The following NLRP3 variants were observed in gnomAD, a reference collection of about 807,000 sequenced individuals.
The protein encoded by NLRP3 is NLR family pyrin domain containing 3, also known as NACHT, LRR and PYD domains-containing protein 3.
In NLRP3, 48 loss-of-function variants were observed where a neutral mutation model predicts 91.3. The ratio of observed to expected loss-of-function variants is 0.53; its 90% CI spans 0.42 to 0.67. The LOEUF (loss-of-function observed/expected upper bound fraction) is 0.67, where lower values mean the gene tolerates loss of function less well. NLRP3 is among the 30% of genes least tolerant of loss of function. NLRP3 has a pLI of 0.00. For missense variants in NLRP3, 982 were observed against 1,276.9 expected (o/e 0.77, Z 3.52); for synonymous variants, 561 against 507.9 (o/e 1.10, Z -1.41).
intron 2 of NLRP3, among the ~76,000 whole-genome samples, chr1:247,421,045 C>G (rs990776030): frequency 2.0e-5 from 3 of 152,202 alleles, no homozygotes; most frequent in African/African-American, 7.2e-5. Context: ...GAGTTTGGGG[C>G]AGAAGCCTTT....
chr1:247,427,275 G>T (rs960206783), intron 4 of NLRP3, among the ~76,000 whole-genome samples: 1 of 152,172 alleles, frequency 6.6e-6, no homozygotes, highest in South Asian at 2.1e-4. Flanking sequence ...CGCCTGATAC[G>T]TCATGTTGAG....
intron 2 of NLRP3, among the ~76,000 whole-genome samples, chr1:247,420,316 A>G (rs887927353): frequency 6.6e-6 from 1 of 152,124 alleles, no homozygotes; most frequent in African/African-American, 2.4e-5. Flanking sequence ...TATTAACCCC[A>G]TATCAGATAT....
Position 247,424,057 on chromosome 1 carries a change from T to C in NLRP3, c.608T>C (p.Met203Thr), listed in dbSNP as rs2103106207. 6.2e-7 allele frequency: 1 copy of C among 1,614,048 alleles called. No individual in the cohort carries two copies. The highest frequency in any genetic ancestry group is 8.5e-7 in the Non-Finnish European group (1 of 1,180,012). The change falls in exon 4 of 10, where the codon ATG becomes ACG. Residue 203 changes from methionine to threonine, a missense_variant. Coordinates refer to ENST00000336119, the MANE Select transcript of NLRP3 (RefSeq NM_001243133.2). This position sits in a 1 kb window ranked among gnomAD's most constrained non-coding sequence, Gnocchi z 8.1. ...GAGAGCCCCGTGAGTCCCATTAAGATGGAGTTGCTGTTTGACCCCGATGAT... is the reference window on the plus strand; with the variant it reads ...GAGAGCCCCGTGAGTCCCATTAAGACGGAGTTGCTGTTTGACCCCGATGAT... ...TCESPVSPIK[M>T]ELLFDPDDEH...
intron 9 of NLRP3, among the ~76,000 whole-genome samples, chr1:247,445,623 T>C (rs1404707034): frequency 6.6e-6 from 1 of 152,204 alleles, no homozygotes; most frequent in Non-Finnish European, 1.5e-5. Context: ...GAGGTAGTCG[T>C]CTCCTCTCTA....
At chr1:247,427,526 T>C (rs1479620634) in intron 4 of NLRP3, among the ~76,000 whole-genome samples, 1 of 152,004 alleles carries the variant, frequency 6.6e-6, no homozygotes, top group African/African-American at 2.4e-5. Flanking sequence ...TTCCTTCCTC[T>C]GAGGACAGAT....
Position 247,425,237 on chromosome 1 carries a change from C to T in NLRP3, c.1788C>T (p.Cys596=). 6.2e-7 allele frequency: 1 copy of T among 1,614,182 alleles called. No individual in the cohort carries two copies. Among genetic ancestry groups the T allele is most frequent in the Non-Finnish European group, 8.5e-7 (1 of 1,180,044 alleles). The change falls in exon 4 of 10, where the codon TGC becomes TGT. Residue 596 remains cysteine, a synonymous_variant. Transcript: ENST00000336119. This position sits in a 1 kb window ranked among gnomAD's most constrained non-coding sequence, Gnocchi z 4.1. The part of the protein sequence containing the change: ...RTSYLEKKLS[C]KISQQIRLEL... ...CCTACTTGGAGAAGAAATTAAGTTG[C>T]AAGATCTCTCAGCAAATCAGGCTGG...
At chr1:247,427,597 T>C (rs1251069712) in intron 4 of NLRP3, among the ~76,000 whole-genome samples, 1 of 151,424 alleles carries the variant, frequency 6.6e-6, no homozygotes, top group Admixed American at 6.6e-5. Context: ...CCTGCCTTAC[T>C]CTGAGGACAG....
rs781010260 is a variant in NLRP3 at position 247,423,956 on chromosome 1, G to A, written c.507G>A (p.Leu169=). The A allele has an allele frequency of 6.2e-6, 10 of 1,614,006 alleles. No individual in the cohort carries two copies. The highest frequency in any genetic ancestry group is 2.2e-5 in the South Asian group (2 of 91,054). Residue 169 remains leucine (L), a synonymous_variant, in exon 4 of 10, where the codon CTG becomes CTA. Coordinates refer to ENST00000336119, the MANE Select transcript of NLRP3 (RefSeq NM_001243133.2). ...SVSLNKRYTR[L]RLIKEHRSQQ... is the part of the protein sequence containing the mutation. ...GCCTCAACAAACGCTACACACGACT[G>A]CGTCTCATCAAGGAGCACCGGAGCC...
chr1:247,423,128 A>T, intron 2 of NLRP3, 102 bp from the exon 3 acceptor site: 1 of 1,497,626 alleles, frequency 6.7e-7, no homozygotes, highest in South Asian at 1.1e-5. Context: ...GATTTGGGGG[A>T]TGTTTGGGGT....
At position 247,425,609 on chromosome 1, in the gene NLRP3, C is replaced by T. The variant is rs1662817725; in HGVS notation, c.2150+10C>T. 1 of 1,602,660 alleles carries T rather than the reference C, an allele frequency of 6.2e-7. No individual in the cohort carries two copies. The highest frequency in any genetic ancestry group is 1.1e-5 in the South Asian group (1 of 91,034). ...CTGCCTGTTCTCATGGGTAAGGAAA[C>T]TCGGCTTCCAGGTGCTTCCTCCTGC... On this transcript the variant is annotated intron_variant, in intron 4 of 9. Transcript: ENST00000336119. This position sits in a 1 kb window ranked among gnomAD's most constrained non-coding sequence, Gnocchi z 4.1.
chr1:247,445,659 G>A (rs1226700467), intron 9 of NLRP3, among the ~76,000 whole-genome samples: 1 of 152,140 alleles, frequency 6.6e-6, no homozygotes, highest in African/African-American at 2.4e-5. Flanking sequence ...CGAGTCCCAC[G>A]GTTCTGTCAG....
At chr1:247,448,268 C>CTTTTTTTTT (rs58966539) in intron 9 of NLRP3, 137 bp from the exon 10 acceptor site, 12 of 358,634 alleles carry the variant, frequency 3.3e-5, no homozygotes, top group African/African-American at 1.7e-4. Context: ...TGTGGTCCCT[C>CTTTTTTTTT]TTTTTTTTTT....
Position 247,419,036 on chromosome 1 carries a change from G to A in NLRP3, c.236G>A (p.Arg79Lys), listed in dbSNP as rs1415851362. 6.2e-7 allele frequency: 1 copy of A among 1,613,106 alleles called. No individual in the cohort carries two copies. Among genetic ancestry groups the A allele is most frequent in the East Asian group, 2.2e-5 (1 of 44,878 alleles). ...TGGATCTTCGCTGCGATCAACAGGA[G>A]AGACCTTTATGAGAAAGCAAAAAGA... The part of the protein sequence containing the change: ...AVWIFAAINR[R>K]DLYEKAKRDE... The change falls in exon 2 of 10, where the codon AGA becomes AAA. Residue 79 changes from arginine (R) to lysine (K), a missense_variant. Coordinates refer to ENST00000336119, the MANE Select transcript of NLRP3 (RefSeq NM_001243133.2).
chr1:247,446,066 G>A lies in NLRP3; in HGVS notation c.3005+1245G>A, dbSNP rs552958803. The stretch of plus-strand genomic sequence containing the variant: ...AACCTGATTCTTCCCCATTTCAGTC[G>A]ATGGTCACTTCCTCCAAGTTGCTCG... On this transcript the variant is annotated intron_variant, in intron 9 of 9. Coordinates refer to ENST00000336119, the MANE Select transcript of NLRP3 (RefSeq NM_001243133.2). Among the ~76,000 whole-genome samples the A allele has an allele frequency of 9.2e-5, 14 of 152,176 alleles. No individual in the cohort carries two copies. In the South Asian group the frequency reaches 2.1e-3, roughly 23 times the overall value.
At chr1:247,421,193 A>T (rs1355050996) in intron 2 of NLRP3, among the ~76,000 whole-genome samples, 1 of 152,192 alleles carries the variant, frequency 6.6e-6, no homozygotes, top group African/African-American at 2.4e-5. Context: ...GTATTGCAGG[A>T]TGATGATGTA....
At chr1:247,437,560 C>T (rs1195650096) in intron 7 of NLRP3, among the ~76,000 whole-genome samples, 2 of 152,178 alleles carry the variant, frequency 1.3e-5, no homozygotes, top group Non-Finnish European at 2.9e-5. Flanking sequence ...TCTTCCTTGG[C>T]AATTTGACTT....
At position 247,425,369 on chromosome 1, in the gene NLRP3, C is replaced by T. The variant is rs34698071; in HGVS notation, c.1920C>T (p.Phe640=). The T allele has an allele frequency of 4.6e-4, 737 of 1,614,172 alleles. 3 individuals are homozygous for T. The African/African-American group carries it at 7.7e-3, about 17-fold the overall frequency. Residue 640 remains phenylalanine (F), a synonymous_variant, in exon 4 of 10, where the codon TTC becomes TTT. Coordinates refer to ENST00000336119, the MANE Select transcript of NLRP3 (RefSeq NM_001243133.2). This position sits in a 1 kb window ranked among gnomAD's most constrained non-coding sequence, Gnocchi z 4.1. ...TGTACGAGATGCAGGAGGAGGACTT[C>T]GTGCAAAGGGCCATGGACTATTTCC... is the stretch of plus-strand genomic sequence containing the variant. ...YCLYEMQEED[F]VQRAMDYFPK...
chr1:247,417,348 C>A (rs1023557682), intron 1 of NLRP3, among the ~76,000 whole-genome samples: 1 of 152,114 alleles, frequency 6.6e-6, no homozygotes, highest in African/African-American at 2.4e-5. Flanking sequence ...GAGCTCTGTG[C>A]AGGTTAGATG....
Position 247,448,788 on chromosome 1 carries a change from G to C in NLRP3, c.*284G>C. 2.2e-6 allele frequency: 1 copy of C among 461,378 alleles called. No homozygotes were observed. Among genetic ancestry groups the C allele is most frequent in the Non-Finnish European group, 4.0e-6 (1 of 251,984 alleles). The allele number at this position is 461,378 out of a possible 1,614,324, so 28.6% of individuals were successfully genotyped here. A position where few individuals can be genotyped will look rare whatever the true frequency, so the allele number is the denominator to read the frequency against. On this transcript the variant is annotated 3_prime_UTR_variant, in exon 10 of 10. Coordinates refer to ENST00000336119, the MANE Select transcript of NLRP3 (RefSeq NM_001243133.2). ...TCCTCTTGGTGACCTCATGTAATTA[G>C]CTCATTCAATAAAGCACTTTCTTTA...
Sources: gnomAD v4.1 joint callset for allele counts (sites outside exome capture counted in the v4.1 genomes callset) on GRCh38, gnomAD v4.1.1 for gene constraint, Gnocchi (gnomAD v3.1) non-coding constraint, MANE v1.5 for transcripts, NCBI Gene and HGNC (gene_info 2026-07-23, HGNC 2026-07-21) for gene names.